The following TACC2 variants were observed in gnomAD, a reference collection of about 807,000 sequenced individuals.
TACC2 encodes the protein transforming acidic coiled-coil containing protein 2.
In TACC2, 137 loss-of-function variants were observed where a neutral mutation model predicts 227.3. The ratio of observed to expected loss-of-function variants is 0.60; its 90% CI spans 0.52 to 0.69. TACC2 has a LOEUF of 0.69. Ranked by LOEUF, TACC2 falls within the 30% of genes least tolerant of loss-of-function variation. TACC2 has a pLI of 0.00. For missense variants in TACC2, 3,470 were observed against 3,694.4 expected (o/e 0.94, Z 1.57); for synonymous variants, 1,523 against 1,487.5 (o/e 1.02, Z -0.55).
At position 122,048,894 on chromosome 10, in the gene TACC2, A is replaced by G. The variant is rs201553176; in HGVS notation, c.34-1544A>G. Among the ~76,000 whole-genome samples the G allele has an allele frequency of 9.2e-5, 14 of 152,378 alleles. No individual in the cohort carries two copies. The East Asian group carries it at 2.7e-3, about 29-fold the overall frequency. ...TCTATAAGATGTTAAACTGTGGTAC[A>G]TAAACAAAGAGTCCTGTGGTCAAGA... On this transcript the variant is annotated intron_variant, in intron 2 of 22. Coordinates refer to ENST00000369005, the MANE Select transcript of TACC2 (RefSeq NM_206862.4).
intron 11 of TACC2, among the ~76,000 whole-genome samples, chr10:122,221,659 A>T (rs1341974962): frequency 2.0e-5 from 3 of 152,178 alleles, no homozygotes; most frequent in Non-Finnish European, 4.4e-5. Flanking sequence ...AATGTCACTT[A>T]GGTTAAAAGT....
At chr10:122,067,698 G>A (rs2077540433) in intron 3 of TACC2, among the ~76,000 whole-genome samples, 1 of 152,054 alleles carries the variant, frequency 6.6e-6, no homozygotes, top group African/African-American at 2.4e-5. Flanking sequence ...TAGAGATGGG[G>A]TTTCACCATG....
At chr10:122,005,677 C>T (rs995505420) in intron 1 of TACC2, among the ~76,000 whole-genome samples, 1 of 139,954 alleles carries the variant, frequency 7.1e-6, no homozygotes, top group South Asian at 2.3e-4. Flanking sequence ...AGCCACCGTG[C>T]CTGGCCTTTT....
intron 1 of TACC2, among the ~76,000 whole-genome samples, chr10:121,990,785 G>A (rs1952996399): frequency 6.6e-6 from 1 of 151,850 alleles, no homozygotes; most frequent in African/African-American, 2.4e-5. Context: ...TTTTGTTGTT[G>A]TTGTTTGTTT....
rs927855191 is a variant in TACC2 at position 121,989,374 on chromosome 10, CTT to C, written c.-159_-158del. 6.6e-6 allele frequency: 1 copy of C among 152,262 alleles called. No homozygotes were observed. Among genetic ancestry groups the C allele is most frequent in the Non-Finnish European group, 1.5e-5 (1 of 68,036 alleles). 9.4% of individuals were successfully genotyped at this position (152,262 alleles called of 1,614,324 possible). On this transcript the variant is annotated 5_prime_UTR_variant, in exon 1 of 23. Coordinates refer to ENST00000369005, the MANE Select transcript of TACC2 (RefSeq NM_206862.4). The stretch of plus-strand genomic sequence containing the variant: ...CTTTCACTCCTGCTCTAAAAGTTAT[CTT>C]GGTTTCTTACTCTACCTTATGCCCC...
At chr10:122,116,919 C>T (rs543885327) in intron 5 of TACC2, among the ~76,000 whole-genome samples, 2 of 151,336 alleles carry the variant, frequency 1.3e-5, no homozygotes, top group East Asian at 1.9e-4. Context: ...TTTTTGAGAC[C>T]GTCTTGCTGC....
intron 3 of TACC2, among the ~76,000 whole-genome samples, chr10:122,066,403 G>A (rs539077803): frequency 6.4e-4 from 98 of 152,094 alleles, no homozygotes; most frequent in African/African-American, 2.0e-3. Flanking sequence ...TGAGTAGCTG[G>A]GATTACAGGT....
At chr10:122,069,916 A>G (rs1166452793) in intron 3 of TACC2, among the ~76,000 whole-genome samples, 1 of 152,160 alleles carries the variant, frequency 6.6e-6, no homozygotes, top group African/African-American at 2.4e-5. Flanking sequence ...GACAGTGGTT[A>G]ATCTTCCCAA....
intron 7 of TACC2, among the ~76,000 whole-genome samples, chr10:122,187,780 C>A (rs962212175): frequency 6.6e-6 from 1 of 152,118 alleles, no homozygotes; most frequent in South Asian, 2.1e-4. Context: ...GTGTGAGCCG[C>A]GGTGCCCAGC....
At chr10:122,008,264 A>ATTATTATTTATTTT in intron 1 of TACC2, among the ~76,000 whole-genome samples, 2 of 134,664 alleles carry the variant, frequency 1.5e-5, no homozygotes, top group East Asian at 4.3e-4. Context: ...TATTATTATT[A>ATTATTATTTATTTT]TTTTTTTTTT....
rs528272569 is a variant in TACC2, at chr10:122,035,271, C to T, written c.33+13257C>T. 2.6e-5 allele frequency among the ~76,000 whole-genome samples: 4 copies of T among 152,288 alleles called. No individual in the cohort carries two copies. The South Asian group carries it at 8.3e-4, about 32-fold the overall frequency. ...GGCTTGGTGGACATTTGGGAAGCCC[C>T]TCCCTGCTGGGCATCTGGTACTTAT... On this transcript the variant is annotated intron_variant, in intron 2 of 22. Transcript: ENST00000369005.
chr10:122,203,976 C>G (rs868414420), intron 8 of TACC2, among the ~76,000 whole-genome samples: 12 of 151,686 alleles, frequency 7.9e-5, no homozygotes, highest in African/African-American at 2.7e-4. Flanking sequence ...GCCAACACAG[C>G]GAAACCCTGT....
intron 3 of TACC2, among the ~76,000 whole-genome samples, chr10:122,060,320 C>T (rs918587813): frequency 6.6e-6 from 1 of 152,162 alleles, no homozygotes; most frequent in African/African-American, 2.4e-5. Flanking sequence ...AGGCAGAGCC[C>T]CAGGCAAATC....
At chr10:122,106,515 A>G (rs985876378) in intron 5 of TACC2, among the ~76,000 whole-genome samples, 8 of 152,204 alleles carry the variant, frequency 5.3e-5, no homozygotes, top group African/African-American at 1.9e-4. Context: ...TGTTGCTACA[A>G]CATAATTTTA....
At chr10:122,026,514 A>G (rs1958044389) in intron 2 of TACC2, among the ~76,000 whole-genome samples, 1 of 151,848 alleles carries the variant, frequency 6.6e-6, no homozygotes, top group Admixed American at 6.6e-5. Flanking sequence ...ATTTTGAATT[A>G]ATTTTTGTGT....
chr10:122,120,628 C>T (rs1281047368), intron 5 of TACC2, among the ~76,000 whole-genome samples: 4 of 152,162 alleles, frequency 2.6e-5, no homozygotes, highest in African/African-American at 2.4e-5. Flanking sequence ...CAGCCTCGTG[C>T]GGCCTTGGGG....
intron 7 of TACC2, among the ~76,000 whole-genome samples, chr10:122,162,103 A>G (rs530027615): frequency 3.3e-5 from 5 of 152,324 alleles, no homozygotes; most frequent in East Asian, 1.9e-4. Context: ...CATAATCATT[A>G]GCTATTTTCA....
chr10:122,116,784 C>G (rs938243638), intron 5 of TACC2, among the ~76,000 whole-genome samples: 3 of 152,178 alleles, frequency 2.0e-5, no homozygotes, highest in African/African-American at 7.2e-5. Flanking sequence ...AGGAGACATA[C>G]TATGAAACGC....
intron 5 of TACC2, among the ~76,000 whole-genome samples, chr10:122,100,484 C>A (rs1212949261): frequency 1.3e-5 from 2 of 149,212 alleles, no homozygotes; most frequent in African/African-American, 2.5e-5. Flanking sequence ...AGTGCAGTGG[C>A]CCGATCTTAG....
Sources: gnomAD v4.1 joint callset for allele counts (sites outside exome capture counted in the v4.1 genomes callset) on GRCh38, gnomAD v4.1.1 for gene constraint, MANE v1.5 for transcripts, NCBI Gene and HGNC (gene_info 2026-07-23, HGNC 2026-07-21) for gene names.